Variants in GABRA4 observed in about 807,000 individuals in gnomAD.
GABRA4 encodes the protein gamma-aminobutyric acid receptor subunit alpha-4.
Under a neutral mutation model 49.7 loss-of-function variants are expected in GABRA4, and 12 were observed. That is an observed-to-expected ratio of 0.24 (90% CI 0.15 to 0.39). GABRA4 has a LOEUF of 0.39. Among genes scored for constraint, GABRA4 ranks in the 10% least tolerant of loss-of-function variants. The pLI, the probability that GABRA4 is intolerant of heterozygous loss-of-function variation, is 1.00. For synonymous variants in GABRA4, 288 were observed against 240.2 expected (o/e 1.20, Z -1.84); for missense variants, 506 against 686.0 (o/e 0.74, Z 2.93).
At chr4:46,942,401 C>T (rs1220784729) in intron 8 of GABRA4, among the ~76,000 whole-genome samples, 3 of 152,002 alleles carry the variant, frequency 2.0e-5, no homozygotes, top group African/African-American at 7.2e-5. Flanking sequence ...CTATAATTAG[C>T]ACTTAAAAAT....
chr4:46,961,686 C>T (rs1258281178), intron 8 of GABRA4, among the ~76,000 whole-genome samples: 1 of 151,776 alleles, frequency 6.6e-6, no homozygotes, highest in Non-Finnish European at 1.5e-5. Flanking sequence ...TGGGTATATG[C>T]AAACAAAGGG....
At chr4:46,967,886 G>A (rs911291917) in intron 7 of GABRA4, among the ~76,000 whole-genome samples, 1 of 151,566 alleles carries the variant, frequency 6.6e-6, no homozygotes, top group Non-Finnish European at 1.5e-5. Context: ...AAATGAAATA[G>A]CAATGATTAA....
intron 2 of GABRA4, 56 bp downstream of exon 2, chr4:46,992,772 G>A (rs1723805882): frequency 2.4e-6 from 3 of 1,231,746 alleles, no homozygotes; most frequent in African/African-American, 1.5e-5. Context: ...CAGACAGACA[G>A]GAAGACCAAG....
intron 8 of GABRA4, among the ~76,000 whole-genome samples, chr4:46,957,852 A>G (rs553863070): frequency 1.3e-5 from 2 of 152,166 alleles, no homozygotes; most frequent in South Asian, 4.1e-4. Flanking sequence ...GGATAAAAAT[A>G]GAACATATTT....
chr4:46,980,373 C>CAAAAAAAA (rs35377347), intron 2 of GABRA4, among the ~76,000 whole-genome samples: 2 of 127,236 alleles, frequency 1.6e-5, no homozygotes, highest in Non-Finnish European at 3.4e-5. Context: ...CGATTTATGC[C>CAAAAAAAA]AAAAAAAAAA....
chr4:46,964,299 G>A (rs1164742944), intron 8 of GABRA4, among the ~76,000 whole-genome samples: 1 of 151,776 alleles, frequency 6.6e-6, no homozygotes, highest in African/African-American at 2.4e-5. Context: ...GGAAGATGGG[G>A]ATGATTAATG....
At chr4:46,929,274 G>T (rs184403615) in intron 8 of GABRA4, among the ~76,000 whole-genome samples, 89 of 151,908 alleles carry the variant, frequency 5.9e-4, no homozygotes, top group Non-Finnish European at 1.0e-3. Context: ...CAAAAACTTT[G>T]ATTTCTAAGT....
At chr4:46,989,675 A>G (rs896150750) in intron 2 of GABRA4, among the ~76,000 whole-genome samples, 2 of 152,232 alleles carry the variant, frequency 1.3e-5, no homozygotes, top group African/African-American at 2.4e-5. Flanking sequence ...GCAATCACAA[A>G]CCATCCAATT....
At chr4:46,933,096 G>A (rs940010281) in intron 8 of GABRA4, among the ~76,000 whole-genome samples, 20 of 152,092 alleles carry the variant, frequency 1.3e-4, no homozygotes, top group Non-Finnish European at 2.6e-4. Context: ...AGAGTGGGGT[G>A]TGCAACATGA....
intron 7 of GABRA4, 89 bp from the exon 8 acceptor site, chr4:46,965,318 A>T (rs146887377): frequency 8.8e-7 from 1 of 1,139,234 alleles, no homozygotes; most frequent in Non-Finnish European, 1.2e-6. Context: ...CTAGAAAATC[A>T]TGTGGAATAG....
intron 2 of GABRA4, among the ~76,000 whole-genome samples, chr4:46,989,916 T>C (rs1723684008): frequency 6.6e-6 from 1 of 152,244 alleles, no homozygotes; most frequent in South Asian, 2.1e-4. Context: ...ATTTGTGGTA[T>C]CTAAGAGTCT....
intron 5 of GABRA4, among the ~76,000 whole-genome samples, chr4:46,974,639 A>C (rs1221565341): frequency 6.6e-6 from 1 of 151,932 alleles, no homozygotes; most frequent in East Asian, 1.9e-4. Flanking sequence ...ATTAAAACTG[A>C]AGCATCTAAA....
intron 8 of GABRA4, among the ~76,000 whole-genome samples, chr4:46,955,262 T>C (rs984812539): frequency 7.9e-5 from 12 of 152,094 alleles, no homozygotes; most frequent in Non-Finnish European, 1.8e-4. Flanking sequence ...TGATCACCAG[T>C]TAATATACAT....
intron 1 of GABRA4, among the ~76,000 whole-genome samples, 192 bp from the exon 2 acceptor site, chr4:46,993,138 C>A (rs1401295901): frequency 2.0e-5 from 3 of 152,162 alleles, no homozygotes; most frequent in Admixed American, 6.5e-5. Context: ...ACCCCCAGTG[C>A]CCACACGCCT....
Position 46,974,103 on chromosome 4 carries a change from C to T in GABRA4, c.721+129G>A, listed in dbSNP as rs547195702. ...AAGAAATTATGAGCTATAACTCATGCATCAACTCTATTTCTGGAAAATGTT... is the reference window on the plus strand; with the variant it reads ...AAGAAATTATGAGCTATAACTCATGTATCAACTCTATTTCTGGAAAATGTT... On this transcript the variant is annotated intron_variant, in intron 6 of 8. Coordinates refer to ENST00000264318, the MANE Select transcript of GABRA4 (RefSeq NM_000809.4). 87 of 769,746 alleles carry T rather than the reference C, an allele frequency of 1.1e-4. 1 individual carries two copies. The East Asian group carries it at 2.1e-3, about 19-fold the overall frequency. The allele number at this position is 769,746 out of a possible 1,614,324, so 47.7% of individuals were successfully genotyped here.
intron 6 of GABRA4, among the ~76,000 whole-genome samples, chr4:46,973,177 G>A (rs1485317383): frequency 6.6e-6 from 1 of 151,782 alleles, no homozygotes; most frequent in African/African-American, 2.4e-5. Context: ...GATGGTGATT[G>A]CTGAATAAAG....
In GABRA4 at chr4:46,920,463, G is replaced by A. The variant is rs1232502996; in HGVS notation, c.*7762C>T. 6.6e-6 allele frequency: 1 copy of A among 151,352 alleles called. No individual in the cohort carries two copies. The highest frequency in any genetic ancestry group is 2.4e-5 in the African/African-American group (1 of 41,302). 9.4% of individuals were successfully genotyped at this position (151,352 alleles called of 1,614,324 possible). ...ATGAGACATGAGAAATATTAAACGA[G>A]TTCAGCAAAATATTTTATTAAAGAG... On this transcript the variant is annotated 3_prime_UTR_variant, in exon 9 of 9. Coordinates refer to ENST00000264318, the MANE Select transcript of GABRA4 (RefSeq NM_000809.4).
chr4:46,964,826 T>C (rs1335566222), intron 8 of GABRA4, 144 bp downstream of exon 8: 10 of 862,566 alleles, frequency 1.2e-5, no homozygotes, highest in African/African-American at 1.7e-5. Flanking sequence ...TTTAAGCTCA[T>C]ACAGTTACTT....
chr4:46,982,838 A>C (rs1332396070), intron 2 of GABRA4, among the ~76,000 whole-genome samples: 1 of 152,112 alleles, frequency 6.6e-6, no homozygotes, highest in Admixed American at 6.6e-5. Flanking sequence ...ATGTTGTTCA[A>C]GTCGAGAGTT....
Sources: gnomAD v4.1 joint callset for allele counts (sites outside exome capture counted in the v4.1 genomes callset) on GRCh38, gnomAD v4.1.1 for gene constraint, MANE v1.5 for transcripts, NCBI Gene and HGNC (gene_info 2026-07-23, HGNC 2026-07-21) for gene names.